PAK3: variants seen among roughly 807,000 people sequenced by gnomAD.
The protein encoded by PAK3 is p21 (RAC1) activated kinase 3.
A neutral mutation model predicts 41.0 loss-of-function variants in PAK3; 4 were observed. That is an observed-to-expected ratio of 0.10 (90% CI 0.05 to 0.22). The LOEUF (loss-of-function observed/expected upper bound fraction) is 0.22. Ranked by LOEUF, PAK3 falls within the 10% of genes least tolerant of loss-of-function variation. PAK3 has a pLI of 1.00. For missense variants in PAK3, 205 were observed against 409.9 expected, an observed-to-expected ratio of 0.50 and a Z score of 4.32; for synonymous variants, 146 against 139.6, an observed-to-expected ratio of 1.05 and a Z score of -0.32.
chrX:110,966,651 CA>C (rs1569497697), intron 1 of PAK3, among the ~76,000 whole-genome samples: 1 of 110,039 alleles, frequency 9.1e-6, no homozygotes, highest in African/African-American at 3.3e-5. Context: ...CCATAATATA[CA>C]ATTATGTGAG....
In PAK3 at chrX:111,082,121, G is replaced by A. The variant is rs776207239; in HGVS notation, c.-27-40956G>A. Among the ~76,000 whole-genome samples, 147 of 111,977 alleles carry A rather than the reference G, an allele frequency of 1.3e-3. 1 individual carries two copies. The highest frequency in any genetic ancestry group is 4.6e-3 in the Middle Eastern group (1 of 218). On this transcript the variant is annotated intron_variant, in intron 1 of 14. Coordinates refer to the PAK3 transcript ENST00000425146. ...AATAAGAGGAAGGCTTTTGGCTGTC[G>A]TGGTCCCCTCTGGATCCCCAGTAAC...
chrX:111,138,113 A>T (rs144605389), intron 5 of PAK3, among the ~76,000 whole-genome samples: 117 of 108,902 alleles, frequency 1.1e-3, no homozygotes, highest in African/African-American at 3.7e-3. Context: ...GGTTCTGGAG[A>T]CAAAGTGGGG....
At chrX:111,001,931 T>TAA (rs79071535) in intron 1 of PAK3, among the ~76,000 whole-genome samples, 26 of 100,293 alleles carry the variant, frequency 2.6e-4, no homozygotes, top group African/African-American at 9.4e-4. Context: ...CAAGAGTGCT[T>TAA]AAAAAAAAAA....
At chrX:111,053,022 A>T (rs1278889556) in intron 1 of PAK3, among the ~76,000 whole-genome samples, 5 of 112,455 alleles carry the variant, frequency 4.4e-5, no homozygotes, top group African/African-American at 9.7e-5. Flanking sequence ...CAAGTATCTC[A>T]TAAGCACAAT....
intron 1 of PAK3, among the ~76,000 whole-genome samples, chrX:110,986,115 C>T (rs2091538220): frequency 1.8e-5 from 2 of 112,028 alleles, no homozygotes; most frequent in Admixed American, 9.5e-5. Flanking sequence ...ATATCCTGTA[C>T]TATCTTGATA....
At chrX:111,053,963 G>C (rs766821616) in intron 1 of PAK3, among the ~76,000 whole-genome samples, 1 of 112,417 alleles carries the variant, frequency 8.9e-6, no homozygotes, top group Non-Finnish European at 1.9e-5. Flanking sequence ...CTTTCCACTA[G>C]AGTCTACCTT....
intron 11 of PAK3, among the ~76,000 whole-genome samples, chrX:111,184,120 G>A (rs138875719): frequency 1.7e-3 from 186 of 111,204 alleles, no homozygotes; most frequent in African/African-American, 5.8e-3. Flanking sequence ...TCCTGATAAT[G>A]CATGATTACT....
At chrX:111,013,398 C>A (rs1291804337) in intron 1 of PAK3, among the ~76,000 whole-genome samples, 1 of 111,212 alleles carries the variant, frequency 9.0e-6, no homozygotes, top group Non-Finnish European at 1.9e-5. Flanking sequence ...GAACATGAGA[C>A]CCTAATTCCA....
At chrX:111,095,444 T>C (rs145967271), upstream of PAK3, among the ~76,000 whole-genome samples, 34 of 112,091 alleles carry the variant, frequency 3.0e-4, no homozygotes, top group East Asian at 9.3e-3. Context: ...TAGCAAGAGA[T>C]TATTTTTGGA....
chrX:111,220,524 A>G lies in PAK3; in HGVS notation c.*77A>G. 1 of 683,072 alleles carries G rather than the reference A, an allele frequency of 1.5e-6. No homozygotes were observed. Among genetic ancestry groups the G allele is most frequent in the Non-Finnish European group, 2.4e-6 (1 of 424,533 alleles). 56.3% of individuals were successfully genotyped at this position (683,072 alleles called of 1,213,427 possible). On this transcript the variant is annotated 3_prime_UTR_variant, in exon 18 of 18. Coordinates refer to ENST00000372007, the MANE Select transcript of PAK3 (RefSeq NM_002578.5). ...AACTCTGCTGCAGGAAAGATGGAAG[A>G]AAAGACAGTCAAATGGGGTGGGGGT...
intron 4 of PAK3, among the ~76,000 whole-genome samples, chrX:111,113,700 T>C (rs1045685231): frequency 2.7e-5 from 3 of 110,849 alleles, no homozygotes; most frequent in African/African-American, 9.9e-5. Flanking sequence ...ACATGTGCCA[T>C]GTTGGTGTGC....
chrX:111,101,687 G>T lies in PAK3; in HGVS notation c.-175-1472G>T, dbSNP rs749393939. ...CCCCTCTCTGGAGCTTTGGCAGCTT[G>T]CACCCCTCTCCCCCTCACCCCACCC... On this transcript the variant is annotated intron_variant, in intron 3 of 17. Coordinates refer to ENST00000372007, the MANE Select transcript of PAK3 (RefSeq NM_002578.5). Among the ~76,000 whole-genome samples the T allele has an allele frequency of 2.9e-3, 326 of 111,520 alleles. 2 individuals carry two copies. The highest frequency in any genetic ancestry group is 9.4e-3 in the Middle Eastern group (2 of 212).
At chrX:110,955,464 T>C (rs916388676) in intron 1 of PAK3, among the ~76,000 whole-genome samples, 5 of 111,251 alleles carry the variant, frequency 4.5e-5, no homozygotes, top group African/African-American at 1.3e-4. Context: ...TGAGAGTCAA[T>C]AGGCATCAAG....
At chrX:110,990,711 C>T (rs1175099266) in intron 1 of PAK3, among the ~76,000 whole-genome samples, 1 of 110,506 alleles carries the variant, frequency 9.0e-6, no homozygotes, top group African/African-American at 3.3e-5. Context: ...GAAATCACAA[C>T]GTATGCTGGA....
intron 1 of PAK3, among the ~76,000 whole-genome samples, chrX:111,009,226 A>G (rs1259397578): frequency 1.8e-5 from 2 of 110,974 alleles, no homozygotes; most frequent in Non-Finnish European, 3.8e-5. Context: ...ACCTCTTCAC[A>G]TCCCCACTTT....
intron 1 of PAK3, among the ~76,000 whole-genome samples, chrX:111,025,337 T>TAAATG (rs1569507618): frequency 9.0e-6 from 1 of 110,596 alleles, no homozygotes; most frequent in African/African-American, 3.3e-5. Context: ...ATACAAAAGA[T>TAAATG]AAATGAAACA....
intron 13 of PAK3, among the ~76,000 whole-genome samples, chrX:111,192,886 T>A (rs1303834703): frequency 9.0e-6 from 1 of 111,658 alleles, no homozygotes; most frequent in Non-Finnish European, 1.9e-5. Flanking sequence ...GACCATTGCA[T>A]ATAGGAGGGA....
At chrX:111,087,134 AGTGTGT>A (rs112857612) in intron 1 of PAK3, among the ~76,000 whole-genome samples, 3,281 of 95,100 alleles carry the variant, frequency 0.035, 105 homozygotes, top group African/African-American at 0.099. Context: ...TGAACAAGTA[AGTGTGT>A]GTGTGTGTGT....
intron 10 of PAK3, among the ~76,000 whole-genome samples, chrX:111,170,794 C>G (rs2094328143): frequency 9.0e-6 from 1 of 111,025 alleles, no homozygotes; most frequent in Admixed American, 9.6e-5. Flanking sequence ...GCCCTAAGCA[C>G]TAGATAGTGA....
Sources: allele counts gnomAD v4.1 joint callset (sites outside exome capture counted in the v4.1 genomes callset), GRCh38; gene constraint gnomAD v4.1.1; transcripts MANE v1.5; gene names NCBI Gene and HGNC (gene_info 2026-07-23, HGNC 2026-07-21).